The following CDH4 variants were observed in gnomAD, a reference collection of about 807,000 sequenced individuals.
CDH4 encodes cadherin 4.
Under a neutral mutation model 86.0 loss-of-function variants are expected in CDH4, and 33 were observed. The ratio of observed to expected loss-of-function variants is 0.38; its 90% CI spans 0.29 to 0.51. The LOEUF is 0.51. Ranked by LOEUF, CDH4 falls within the 20% of genes least tolerant of loss-of-function variation. The pLI is 0.86. For synonymous variants in CDH4, 555 were observed against 549.4 expected (o/e 1.01, Z -0.14); for missense variants, 1,114 against 1,307.4 (o/e 0.85, Z 2.28).
At chr20:61,840,686 T>C (rs528380312) in intron 4 of CDH4, among the ~76,000 whole-genome samples, 8 of 152,366 alleles carry the variant, frequency 5.3e-5, no homozygotes, top group Admixed American at 4.6e-4. Flanking sequence ...CATCGTGGGC[T>C]TCTGCGGTGT....
At chr20:61,478,291 C>T (rs914855934) in intron 2 of CDH4, among the ~76,000 whole-genome samples, 1 of 152,162 alleles carries the variant, frequency 6.6e-6, no homozygotes, top group Non-Finnish European at 1.5e-5. Context: ...GAGTCCTGGG[C>T]AGCACCAGGA....
At chr20:61,353,126 G>T (rs932555597) in intron 2 of CDH4, among the ~76,000 whole-genome samples, 7 of 152,186 alleles carry the variant, frequency 4.6e-5, no homozygotes, top group Admixed American at 3.9e-4. Context: ...CCAGCCACAG[G>T]CTTCGCTTCT....
intron 2 of CDH4, among the ~76,000 whole-genome samples, chr20:61,680,721 G>A (rs977506936): frequency 1.1e-4 from 16 of 152,268 alleles, no homozygotes; most frequent in Middle Eastern, 3.4e-3. Flanking sequence ...TTCTGGGATC[G>A]TGGTAGTTGG....
chr20:61,581,013 A>C (rs778151329), intron 2 of CDH4, among the ~76,000 whole-genome samples: 4 of 152,210 alleles, frequency 2.6e-5, no homozygotes, highest in African/African-American at 4.8e-5. Flanking sequence ...GCTTCTCCCA[A>C]ATTAATGGAC....
intron 2 of CDH4, among the ~76,000 whole-genome samples, chr20:61,362,675 C>T (rs2084790468): frequency 1.3e-5 from 2 of 152,068 alleles, no homozygotes; most frequent in African/African-American, 4.8e-5. Context: ...GGTGAAGACA[C>T]ATCACAGTCC....
At chr20:61,734,377 G>C (rs567576766) in intron 2 of CDH4, among the ~76,000 whole-genome samples, 1 of 152,180 alleles carries the variant, frequency 6.6e-6, no homozygotes, top group African/African-American at 2.4e-5. Context: ...GGCTCGGAAC[G>C]GGGAGTTGTT....
chr20:61,878,728 G>T lies in CDH4; in HGVS notation c.1050+4828G>T, dbSNP rs753613859. ...TTGTGACCCCTTGGCCGGAGGAGACGCAGGGCCCTGGCATTGGCCACCCCA... is the reference window on the plus strand; with the variant it reads ...TTGTGACCCCTTGGCCGGAGGAGACTCAGGGCCCTGGCATTGGCCACCCCA... On this transcript the variant is annotated intron_variant, in intron 7 of 15. Transcript: ENST00000614565. Among the ~76,000 whole-genome samples, 9 of 152,354 alleles carry T rather than the reference G, an allele frequency of 5.9e-5. No individual in the cohort carries two copies. In the East Asian group the frequency reaches 1.2e-3, roughly 20 times the overall value.
intron 4 of CDH4, among the ~76,000 whole-genome samples, chr20:61,840,759 C>G (rs2146095855): frequency 6.6e-6 from 1 of 152,350 alleles, no homozygotes; most frequent in Non-Finnish European, 1.5e-5. Context: ...GGTGGATTCA[C>G]TCGCACAGTA....
Position 61,880,188 on chromosome 20 carries a change from T to C in CDH4, c.1050+6288T>C, listed in dbSNP as rs531799674. 7.9e-5 allele frequency among the ~76,000 whole-genome samples: 12 copies of C among 152,288 alleles called. No individual in the cohort carries two copies. The South Asian group carries it at 2.1e-3, about 26-fold the overall frequency. ...CGGTGACCAGAATGTCCCCTTTCCC[T>C]CTGAGAGCGGCGTGGCTTTCTGAAG... On this transcript the variant is annotated intron_variant, in intron 7 of 15. Coordinates refer to ENST00000614565, the MANE Select transcript of CDH4 (RefSeq NM_001794.5).
chr20:61,253,534 G>C (rs2084078054), intron 1 of CDH4, among the ~76,000 whole-genome samples: 1 of 152,070 alleles, frequency 6.6e-6, no homozygotes, highest in African/African-American at 2.4e-5. Context: ...AGCGGCGGGA[G>C]GCCCGCTCCG....
intron 6 of CDH4, among the ~76,000 whole-genome samples, chr20:61,858,321 G>GTC (rs1280763037): frequency 4.9e-5 from 7 of 142,016 alleles, no homozygotes; most frequent in East Asian, 2.1e-4. Context: ...ATGTGTGTCT[G>GTC]TGTCTGTCTG....
chr20:61,388,776 G>A (rs1219206793), intron 2 of CDH4, among the ~76,000 whole-genome samples: 1 of 152,146 alleles, frequency 6.6e-6, no homozygotes, highest in African/African-American at 2.4e-5. Context: ...CATTTTTATC[G>A]TGTGCTTTTT....
intron 2 of CDH4, among the ~76,000 whole-genome samples, chr20:61,534,559 C>A (rs2000284): frequency 0.15 from 23,325 of 152,016 alleles, 2,103 homozygotes; most frequent in East Asian, 0.45. Flanking sequence ...GGCACGGGAC[C>A]GGGCCGGAGG....
At chr20:61,583,153 AGGGACAGAGGGCTCTGCGGGG>A (rs1314440916) in intron 2 of CDH4, among the ~76,000 whole-genome samples, 1,004 of 60,788 alleles carry the variant, frequency 0.017, 69 homozygotes, top group Middle Eastern at 0.062. Context: ...GGCTCTGCGG[AGGGACAGAGGGCTCTGCGGGG>A]GGGACAGAGG....
chr20:61,340,782 G>T (rs1341824696), intron 2 of CDH4, among the ~76,000 whole-genome samples: 2 of 152,034 alleles, frequency 1.3e-5, no homozygotes, highest in African/African-American at 4.8e-5. Context: ...GTCTCACTTT[G>T]TTGCCCAGGC....
At chr20:61,892,997 G>C (rs1477599565) in intron 7 of CDH4, among the ~76,000 whole-genome samples, 1 of 145,956 alleles carries the variant, frequency 6.9e-6, no homozygotes, top group African/African-American at 2.5e-5. Context: ...TGGGTGAGTA[G>C]AGGGATGGTG....
chr20:61,910,224 C>T (rs1394037856), intron 8 of CDH4, among the ~76,000 whole-genome samples, 198 bp from the exon 9 acceptor site: 3 of 148,204 alleles, frequency 2.0e-5, no homozygotes, highest in African/African-American at 7.5e-5. Context: ...TGAGCTGGGC[C>T]GACACGTTGT....
At chr20:61,563,024 C>T (rs758853192) in intron 2 of CDH4, among the ~76,000 whole-genome samples, 1 of 152,052 alleles carries the variant, frequency 6.6e-6, no homozygotes, top group Non-Finnish European at 1.5e-5. Flanking sequence ...TCTTGTCCAG[C>T]GGCTCCCGGA....
intron 2 of CDH4, among the ~76,000 whole-genome samples, chr20:61,660,788 G>T (rs2087245485): frequency 6.6e-6 from 1 of 152,112 alleles, no homozygotes; most frequent in Non-Finnish European, 1.5e-5. Flanking sequence ...TGAAGAAGTA[G>T]GTGCTTCGTG....
Sources: allele counts gnomAD v4.1 joint callset (sites outside exome capture counted in the v4.1 genomes callset), GRCh38; gene constraint gnomAD v4.1.1; transcripts MANE v1.5; gene names NCBI Gene and HGNC (gene_info 2026-07-23, HGNC 2026-07-21).